PPP1R37: variants seen among roughly 807,000 people sequenced by gnomAD.
The protein encoded by PPP1R37 is leucine rich repeat containing 68.
A neutral mutation model predicts 61.0 loss-of-function variants in PPP1R37; 21 were observed. The ratio of observed to expected loss-of-function variants is 0.34; its 90% CI spans 0.24 to 0.50. The LOEUF is 0.50. PPP1R37 is among the 20% of genes least tolerant of loss of function. The pLI, the probability that PPP1R37 is intolerant of heterozygous loss-of-function variation, is 0.98. For missense variants in PPP1R37, 910 were observed against 952.7 expected (o/e 0.96, Z 0.59); for synonymous variants, 443 against 433.5 (o/e 1.02, Z -0.27).
chr19:45,146,923 G>A lies in PPP1R37; in HGVS notation c.*361G>A, dbSNP rs148952191. ...GGGTGGTGGTGGGATGGTCCCCTGT[G>A]GCCCCGGGCACAGGGCCGGGCAGGC... On this transcript the variant is annotated 3_prime_UTR_variant, in exon 13 of 13. Coordinates refer to ENST00000221462, the MANE Select transcript of PPP1R37 (RefSeq NM_019121.2). 8.9e-5 allele frequency: 15 copies of A among 169,186 alleles called. No individual in the cohort carries two copies. Among genetic ancestry groups the A allele is most frequent in the Non-Finnish European group, 1.4e-4 (11 of 78,046 alleles). 10.5% of individuals were successfully genotyped at this position (169,186 alleles called of 1,614,324 possible).
In PPP1R37 at chr19:45,145,274, G is replaced by C; in HGVS notation, c.1296+14G>C. ...AAGAAAGAGGCGGTGAGCAGGGGAC[G>C]GTCCTGCAGCCCTGGGGCGGGCGGA... On this transcript the variant is annotated intron_variant, in intron 10 of 12. Transcript: ENST00000221462. The C allele has an allele frequency of 6.5e-6, 10 of 1,527,556 alleles. No homozygotes were observed. The highest frequency in any genetic ancestry group is 8.8e-6 in the Non-Finnish European group (10 of 1,142,182). 94.6% of individuals were successfully genotyped at this position (1,527,556 alleles called of 1,614,324 possible).
Position 45,146,726 on chromosome 19 carries a change from T to C in PPP1R37, c.*164T>C. On this transcript the variant is annotated 3_prime_UTR_variant, in exon 13 of 13. Coordinates refer to ENST00000221462, the MANE Select transcript of PPP1R37 (RefSeq NM_019121.2). ...GCAACACTACAAGGGGTGCAGGAGCTACAGGGAGTGGCCCTCCGCGCGTGA... is the reference window on the plus strand; with the variant it reads ...GCAACACTACAAGGGGTGCAGGAGCCACAGGGAGTGGCCCTCCGCGCGTGA... 2.1e-6 allele frequency: 1 copy of C among 472,426 alleles called. No homozygotes were observed. The highest frequency in any genetic ancestry group is 3.9e-6 in the Non-Finnish European group (1 of 256,476). 29.3% of individuals were successfully genotyped at this position (472,426 alleles called of 1,614,324 possible).
At position 45,142,340 on chromosome 19, in the gene PPP1R37, G is replaced by A. The variant is rs1402863932; in HGVS notation, c.756G>A (p.Leu252=). ...AGATGAACATGAACCTGCGGGAGCT[G>A]TACCTGGCGGACAACAAGCTCAACG... ...ALKMNMNLRE[L]YLADNKLNGL... The change falls in exon 7 of 13, where the codon CTG becomes CTA. Residue 252 remains leucine (L), a synonymous_variant. Transcript: ENST00000221462. 2.0e-6 allele frequency: 3 copies of A among 1,536,120 alleles called. No individual in the cohort carries two copies. The highest frequency in any genetic ancestry group is 2.0e-5 in the Admixed American group (1 of 51,002).
At chr19:45,113,507 G>A (rs1457857721) in intron 1 of PPP1R37, among the ~76,000 whole-genome samples, 1 of 152,172 alleles carries the variant, frequency 6.6e-6, no homozygotes, top group Non-Finnish European at 1.5e-5. Context: ...CTTCACTCCT[G>A]GCAGCCAGAG....
At chr19:45,100,556 A>G (rs1479750150) in intron 1 of PPP1R37, among the ~76,000 whole-genome samples, 2 of 152,228 alleles carry the variant, frequency 1.3e-5, no homozygotes, top group East Asian at 1.9e-4. Context: ...GAGGTCACAC[A>G]GTGGGTAAGT....
intron 1 of PPP1R37, among the ~76,000 whole-genome samples, chr19:45,100,727 G>A (rs1186460639): frequency 6.6e-6 from 1 of 152,220 alleles, no homozygotes; most frequent in Non-Finnish European, 1.5e-5. Context: ...AGGCAACAGT[G>A]CTGGCTTTGC....
chr19:45,128,858 T>C (rs1227476844), intron 1 of PPP1R37: 1 of 630,462 alleles, frequency 1.6e-6, no homozygotes. Flanking sequence ...TCCAGGAAGG[T>C]ACCCCTCACT....
At chr19:45,102,141 C>T (rs1968072340) in intron 1 of PPP1R37, among the ~76,000 whole-genome samples, 1 of 152,210 alleles carries the variant, frequency 6.6e-6, no homozygotes, top group South Asian at 2.1e-4. Flanking sequence ...CTCCACAGTC[C>T]CTTCAGGTCT....
At chr19:45,119,146 A>G (rs1256605138) in intron 1 of PPP1R37, among the ~76,000 whole-genome samples, 1 of 141,190 alleles carries the variant, frequency 7.1e-6, no homozygotes, top group Non-Finnish European at 1.5e-5. Flanking sequence ...GTGCCACAAC[A>G]CCCGTCTAAT....
At chr19:45,106,495 C>T (rs1568440816) in intron 1 of PPP1R37, among the ~76,000 whole-genome samples, 1 of 152,110 alleles carries the variant, frequency 6.6e-6, no homozygotes, top group Non-Finnish European at 1.5e-5. Flanking sequence ...CCACCCGCCT[C>T]GGCCTCCCAA....
chr19:45,141,240 G>C, intron 4 of PPP1R37, 82 bp from the exon 5 acceptor site: 2 of 1,439,544 alleles, frequency 1.4e-6, no homozygotes, highest in Non-Finnish European at 1.8e-6. Context: ...ATCGTCTCTC[G>C]GTGGGGCCCG....
intron 1 of PPP1R37, among the ~76,000 whole-genome samples, chr19:45,112,436 G>C (rs1968213768): frequency 1.3e-5 from 2 of 151,830 alleles, no homozygotes; most frequent in African/African-American, 4.8e-5. Context: ...TCTTTCTGAA[G>C]TGGCTCTCGC....
At chr19:45,135,761 C>T (rs573654930) in intron 1 of PPP1R37, among the ~76,000 whole-genome samples, 2 of 151,210 alleles carry the variant, frequency 1.3e-5, no homozygotes, top group East Asian at 1.9e-4. Flanking sequence ...TCTGATAGTT[C>T]CTCCAATTTT....
At position 45,145,242 on chromosome 19, in the gene PPP1R37, T is replaced by G. The variant is rs1599714006; in HGVS notation, c.1278T>G (p.Arg426=). The part of the protein sequence containing the change: ...NHSLLRLDLD[R]EPKKEAVKSF... ...CACTGCTGCGCCTGGACCTCGACCG[T>G]GAACCCAAGAAAGAGGCGGTGAGCA... Residue 426 remains arginine, a synonymous_variant, in exon 10 of 13, where the codon CGT becomes CGG. Coordinates refer to ENST00000221462, the MANE Select transcript of PPP1R37 (RefSeq NM_019121.2). The G allele has an allele frequency of 6.5e-7, 1 of 1,533,056 alleles. No homozygotes were observed. The highest frequency in any genetic ancestry group is 1.4e-5 in the African/African-American group (1 of 72,982). The allele number at this position is 1,533,056 out of a possible 1,614,324, so 95.0% of individuals were successfully genotyped here. A position where few individuals can be genotyped will look rare whatever the true frequency, so the allele number is the denominator to read the frequency against.
chr19:45,120,452 C>T (rs1968328210), intron 1 of PPP1R37, among the ~76,000 whole-genome samples: 1 of 152,220 alleles, frequency 6.6e-6, no homozygotes, highest in African/African-American at 2.4e-5. Context: ...CAGGGCTCCA[C>T]TGCGTGGATG....
intron 1 of PPP1R37, among the ~76,000 whole-genome samples, chr19:45,117,267 G>A (rs1183908100): frequency 6.6e-6 from 1 of 152,118 alleles, no homozygotes; most frequent in African/African-American, 2.4e-5. Flanking sequence ...GGCTTAAGCT[G>A]CAGGAGGGGA....
chr19:45,138,905 C>CTTTTTTTTTTTTTT lies in PPP1R37; in HGVS notation c.300+306_300+319dup, dbSNP rs34081163. On this transcript the variant is annotated intron_variant, in intron 2 of 12. Coordinates refer to ENST00000221462, the MANE Select transcript of PPP1R37 (RefSeq NM_019121.2). The stretch of plus-strand genomic sequence containing the variant: ...GTCTGAATTACAAAATTTATGTATT[C>CTTTTTTTTTTTTTT]TTTTTTTTTTTTTTTTTTTTTTTTT... Among the ~76,000 whole-genome samples the CTTTTTTTTTTTTTT allele has an allele frequency of 2.3e-4, 17 of 73,056 alleles. 2 individuals are homozygous for CTTTTTTTTTTTTTT. Among genetic ancestry groups the CTTTTTTTTTTTTTT allele is most frequent in the African/African-American group, 7.0e-4 (13 of 18,688 alleles). 47.9% of individuals were successfully genotyped at this position (73,056 alleles called of 152,430 possible).
At chr19:45,116,880 G>A (rs1348976060) in intron 1 of PPP1R37, among the ~76,000 whole-genome samples, 1 of 151,906 alleles carries the variant, frequency 6.6e-6, no homozygotes, top group Non-Finnish European at 1.5e-5. Context: ...GCTACAGAAA[G>A]GGGTCAGGAG....
At chr19:45,107,682 G>A (rs977147635) in intron 1 of PPP1R37, among the ~76,000 whole-genome samples, 6 of 152,190 alleles carry the variant, frequency 3.9e-5, no homozygotes, top group African/African-American at 1.4e-4. Flanking sequence ...CCCGGATGCA[G>A]GACTTCTCAG....
Sources: allele counts gnomAD v4.1 joint callset (sites outside exome capture counted in the v4.1 genomes callset), GRCh38; gene constraint gnomAD v4.1.1; transcripts MANE v1.5; gene names NCBI Gene and HGNC (gene_info 2026-07-23, HGNC 2026-07-21).